The following PLXNA4 variants were observed in gnomAD, a reference collection of about 807,000 sequenced individuals.
PLXNA4 encodes plexin-A4.
A neutral mutation model predicts 191.8 loss-of-function variants in PLXNA4; 44 were observed. The observed-to-expected ratio is 0.23, with a 90% CI of 0.18 to 0.29. The LOEUF is 0.29. Among genes scored for constraint, PLXNA4 ranks in the 10% least tolerant of loss-of-function variants. PLXNA4 has a pLI of 1.00. For synonymous variants in PLXNA4, 1,082 were observed against 1,009.5 expected, an observed-to-expected ratio of 1.07 and a Z score of -1.36; for missense variants, 1,800 against 2,488.8, an observed-to-expected ratio of 0.72 and a Z score of 5.89.
intron 3 of PLXNA4, among the ~76,000 whole-genome samples, chr7:132,458,596 T>C (rs570447393): frequency 2.7e-4 from 41 of 151,334 alleles, no homozygotes; most frequent in African/African-American, 1.0e-3. Context: ...TCCAGGCACA[T>C]CAAGCAGAAA....
At chr7:132,478,273 C>G (rs950294839) in intron 3 of PLXNA4, among the ~76,000 whole-genome samples, 8 of 152,082 alleles carry the variant, frequency 5.3e-5, no homozygotes, top group African/African-American at 1.7e-4. Flanking sequence ...GGGAAAAGAC[C>G]CAGAACAACT....
intron 2 of PLXNA4, among the ~76,000 whole-genome samples, chr7:132,599,999 T>C (rs1486714072): frequency 6.6e-6 from 1 of 152,216 alleles, no homozygotes; most frequent in Non-Finnish European, 1.5e-5. Context: ...TTTTCTTTTG[T>C]TAAACCATCC....
chr7:132,517,454 G>A (rs1394758594), intron 1 of PLXNA4, among the ~76,000 whole-genome samples: 5 of 152,216 alleles, frequency 3.3e-5, no homozygotes, highest in African/African-American at 7.2e-5. Flanking sequence ...CATCAGACAA[G>A]AAAGAAACCT....
chr7:132,454,344 A>G (rs1194153065), intron 3 of PLXNA4, among the ~76,000 whole-genome samples: 8 of 152,176 alleles, frequency 5.3e-5, no homozygotes, highest in African/African-American at 1.9e-4. Context: ...AACAACAACA[A>G]GAAGCCTCTC....
At chr7:132,248,634 G>A (rs376305810) in intron 4 of PLXNA4, among the ~76,000 whole-genome samples, 16 of 152,260 alleles carry the variant, frequency 1.1e-4, no homozygotes, top group South Asian at 2.1e-4. Context: ...CAGATCTAAC[G>A]TGATAAATGG....
chr7:132,462,778 AT>A (rs1358384412), intron 3 of PLXNA4, among the ~76,000 whole-genome samples: 6 of 139,976 alleles, frequency 4.3e-5, no homozygotes, highest in South Asian at 2.2e-4. Flanking sequence ...ATTTCAGGTT[AT>A]TTTTTTTCTT....
At chr7:132,424,806 T>G (rs1178615888) in intron 3 of PLXNA4, among the ~76,000 whole-genome samples, 1 of 152,156 alleles carries the variant, frequency 6.6e-6, no homozygotes, top group Non-Finnish European at 1.5e-5. Flanking sequence ...TATACATAAA[T>G]AAATAGGAAA....
At position 132,405,331 on chromosome 7, in the gene PLXNA4, A is replaced by G. The variant is rs539568003; in HGVS notation, c.1371+83961T>C. 2.0e-5 allele frequency among the ~76,000 whole-genome samples: 3 copies of G among 152,238 alleles called. No homozygotes were observed. In the South Asian group the frequency reaches 6.2e-4, roughly 32 times the overall value. On this transcript the variant is annotated intron_variant, in intron 3 of 31. Transcript: ENST00000321063. Reference sequence around the variant, plus strand: ...TGAGGCAGGACTAGGCTGTGCCTACAGCTGCTCTTACTTAGGAAATCCTAG... The same window carrying G: ...TGAGGCAGGACTAGGCTGTGCCTACGGCTGCTCTTACTTAGGAAATCCTAG...
chr7:132,407,230 T>C (rs1794257880), intron 3 of PLXNA4, among the ~76,000 whole-genome samples: 1 of 152,182 alleles, frequency 6.6e-6, no homozygotes, highest in Non-Finnish European at 1.5e-5. Flanking sequence ...CCCAACCCTT[T>C]CTGGGACACC....
chr7:132,575,546 C>T (rs932462259), intron 1 of PLXNA4, among the ~76,000 whole-genome samples: 3 of 152,138 alleles, frequency 2.0e-5, no homozygotes, highest in African/African-American at 7.2e-5. Context: ...CCGGAGGCAC[C>T]GGGGAAGGCA....
intron 25 of PLXNA4, among the ~76,000 whole-genome samples, chr7:132,151,415 G>A (rs1331835989): frequency 4.6e-5 from 1 of 21,714 alleles, no homozygotes; most frequent in African/African-American, 7.6e-5. Context: ...GAGGAAGGAG[G>A]AGGAGGAGGA....
chr7:132,397,102 G>C (rs966176473), intron 3 of PLXNA4, among the ~76,000 whole-genome samples: 4 of 152,224 alleles, frequency 2.6e-5, no homozygotes, highest in Admixed American at 1.3e-4. Flanking sequence ...TAGGCTAAAA[G>C]CCTTCTCCGC....
intron 21 of PLXNA4, among the ~76,000 whole-genome samples, chr7:132,172,868 T>C (rs920022440): frequency 2.6e-5 from 4 of 152,186 alleles, no homozygotes; most frequent in African/African-American, 9.7e-5. Context: ...CTCATCCTCA[T>C]TGCATTCTTA....
At chr7:132,278,476 T>C (rs1264009146) in intron 4 of PLXNA4, among the ~76,000 whole-genome samples, 1 of 152,128 alleles carries the variant, frequency 6.6e-6, no homozygotes, top group Non-Finnish European at 1.5e-5. Flanking sequence ...AAACTCCAAA[T>C]TCCAAGGGTC....
At chr7:132,483,306 T>C (rs1433639964) in intron 3 of PLXNA4, among the ~76,000 whole-genome samples, 2 of 152,208 alleles carry the variant, frequency 1.3e-5, no homozygotes, top group African/African-American at 4.8e-5. Flanking sequence ...TCTATTCTCC[T>C]ATCCAGAGTC....
intron 3 of PLXNA4, among the ~76,000 whole-genome samples, chr7:132,372,544 G>C (rs1051864161): frequency 2.0e-5 from 3 of 152,200 alleles, no homozygotes; most frequent in African/African-American, 4.8e-5. Context: ...TCAGGCAGGA[G>C]TGGAAGCCCC....
At chr7:132,213,361 T>C (rs1175372680) in intron 9 of PLXNA4, among the ~76,000 whole-genome samples, 1 of 152,168 alleles carries the variant, frequency 6.6e-6, no homozygotes, top group East Asian at 1.9e-4. Flanking sequence ...CCGGTTCAGA[T>C]GGTAAATGTT....
intron 1 of PLXNA4, among the ~76,000 whole-genome samples, chr7:132,557,572 T>C (rs1007591283): frequency 1.3e-5 from 2 of 152,048 alleles, no homozygotes; most frequent in Non-Finnish European, 2.9e-5. Flanking sequence ...GTTTTCACCT[T>C]TGCAAAACCT....
Position 132,145,003 on chromosome 7 carries a change from G to A in PLXNA4, c.5225+116C>T, listed in dbSNP as rs1174990669. On this transcript the variant is annotated intron_variant, in intron 29 of 31. Coordinates refer to ENST00000321063, the MANE Select transcript of PLXNA4 (RefSeq NM_020911.2). ...AATGTGCCTGCTCAGAGTCCCTGCT[G>A]ATGAAAACAGGCTCTGGCCAGCCCT... 3.4e-6 allele frequency: 5 copies of A among 1,480,390 alleles called. No individual in the cohort carries two copies. In the Admixed American group the frequency reaches 5.7e-5, roughly 17 times the overall value. 91.7% of individuals were successfully genotyped at this position (1,480,390 alleles called of 1,614,324 possible). A position where few individuals can be genotyped will look rare whatever the true frequency, so the allele number is the denominator to read the frequency against.
Sources: allele counts gnomAD v4.1 joint callset (sites outside exome capture counted in the v4.1 genomes callset), GRCh38; gene constraint gnomAD v4.1.1; transcripts MANE v1.5; gene names NCBI Gene and HGNC (gene_info 2026-07-23, HGNC 2026-07-21).